Variants in MEGF8 observed in about 807,000 individuals in gnomAD.
MEGF8 encodes multiple EGF like domains 8, also known as multiple epidermal growth factor-like domains protein 8.
Under a neutral mutation model 302.9 loss-of-function variants are expected in MEGF8, and 156 were observed. That is an observed-to-expected ratio of 0.52 (90% CI 0.45 to 0.59). MEGF8 has a LOEUF of 0.59. Ranked by LOEUF, MEGF8 falls within the 20% of genes least tolerant of loss-of-function variation. The probability of loss-of-function intolerance (pLI) is 0.00; values close to 1 mark genes in which losing one functional copy is unlikely to be tolerated. For missense variants in MEGF8, 3,345 were observed against 3,964.5 expected (o/e 0.84, Z 4.20); for synonymous variants, 1,621 against 1,660.5 (o/e 0.98, Z 0.58).
At chr19:42,337,339 C>A in intron 8 of MEGF8, 133 bp downstream of exon 8, 1 of 1,267,406 alleles carries the variant, frequency 7.9e-7, no homozygotes, top group Non-Finnish European at 1.1e-6. Flanking sequence ...CCTTAGGAGG[C>A]AAGCCTGGGA....
In MEGF8 at chr19:42,344,562, A is replaced by G. The variant is rs369191682; in HGVS notation, c.1910A>G (p.Asn637Ser). 23 of 1,598,420 alleles carry G rather than the reference A, an allele frequency of 1.4e-5. No individual in the cohort carries two copies. The highest frequency in any genetic ancestry group is 1.9e-5 in the Non-Finnish European group (22 of 1,176,840). ...GPGTLGWCVH[N>S]ESCLPRPEQA... ...GGCACCCTGGGCTGGTGCGTGCACA[A>G]TGAGAGCTGCCTCCCTAGGCCTGGT... The change falls in exon 11 of 42, where the codon AAT becomes AGT. Residue 637 changes from asparagine to serine, a missense_variant. Asn to Ser is a conservative substitution (Grantham distance 46, BLOSUM62 1). Transcript: ENST00000251268. This position sits in a 1 kb window ranked among gnomAD's most constrained non-coding sequence, Gnocchi z 4.5.
intron 12 of MEGF8, among the ~76,000 whole-genome samples, chr19:42,347,760 C>G (rs35557987): frequency 0.14 from 21,433 of 151,854 alleles, 2,654 homozygotes; most frequent in African/African-American, 0.33. Flanking sequence ...CCAAAGTGCC[C>G]GCCGTGCCCA....
chr19:42,347,060 A>G, intron 12 of MEGF8, among the ~76,000 whole-genome samples: 1 of 150,724 alleles, frequency 6.6e-6, no homozygotes, highest in East Asian at 1.9e-4. Context: ...CATTTACCCC[A>G]CTCCCTACCC....
In MEGF8 at chr19:42,369,946, CAGG is replaced by C. The variant is rs2039662636; in HGVS notation, c.6834+228_6834+230del. On this transcript the variant is annotated intron_variant, in intron 38 of 41. Coordinates refer to ENST00000251268, the MANE Select transcript of MEGF8 (RefSeq NM_001271938.2). The surrounding 1 kb of genome is among the most constrained non-coding windows in gnomAD (Gnocchi z 5.7). ...ATAGTGGACGGAGTGGGTGCTGCGC[CAGG>C]AGGACAGGCACGTGGAGGAGGATTT... 6.6e-6 allele frequency among the ~76,000 whole-genome samples: 1 copy of C among 152,194 alleles called. No individual in the cohort carries two copies. Among genetic ancestry groups the C allele is most frequent in the South Asian group, 2.1e-4 (1 of 4,832 alleles).
Position 42,348,379 on chromosome 19 carries a change from T to G in MEGF8, c.2205T>G (p.Gly735=). Residue 735 remains glycine (G), a synonymous_variant, in exon 13 of 42, where the codon GGT becomes GGG. Transcript: ENST00000251268. ...FIYPMLPGGP[G]GPGAEDVAVW... ...ACCCAATGCTGCCTGGAGGGCCAGG[T>G]GGACCAGGGGCTGAGGACGTGGCCG... 1 of 1,537,336 alleles carries G rather than the reference T, an allele frequency of 6.5e-7. No homozygotes were observed. Among genetic ancestry groups the G allele is most frequent in the South Asian group, 1.2e-5 (1 of 84,062 alleles).
At chr19:42,373,767 T>A (rs2039727386) in intron 41 of MEGF8, among the ~76,000 whole-genome samples, 2 of 143,672 alleles carry the variant, frequency 1.4e-5, no homozygotes, top group South Asian at 4.6e-4. Context: ...GGCTAGAGTA[T>A]AATGGCGCAA....
At position 42,377,138 on chromosome 19, in the gene MEGF8, G is replaced by T; in HGVS notation, c.*363G>T. ...CACAAGTAAGATGGCTTCAGAGAGG[G>T]AGAAGCACTGTGAGGCCTCCAGAGG... On this transcript the variant is annotated 3_prime_UTR_variant, in exon 42 of 42. Coordinates refer to ENST00000251268, the MANE Select transcript of MEGF8 (RefSeq NM_001271938.2). 4.5e-6 allele frequency: 1 copy of T among 222,898 alleles called. No individual in the cohort carries two copies. Among genetic ancestry groups the T allele is most frequent in the Non-Finnish European group, 8.7e-6 (1 of 114,342 alleles). 13.8% of individuals were successfully genotyped at this position (222,898 alleles called of 1,614,324 possible). A position where few individuals can be genotyped will look rare whatever the true frequency, so the allele number is the denominator to read the frequency against.
chr19:42,370,649 G>GGA (rs1460198974), intron 39 of MEGF8, 52 bp from the exon 40 acceptor site: 1 of 1,562,722 alleles, frequency 6.4e-7, no homozygotes, highest in East Asian at 2.4e-5. Flanking sequence ...GTCTGAGGGA[G>GGA]GAGGGGGTTG....
In MEGF8 at chr19:42,362,232, A is replaced by T. The variant is rs774469726; in HGVS notation, c.5844+19A>T. On this transcript the variant is annotated intron_variant, in intron 33 of 41. Coordinates refer to ENST00000251268, the MANE Select transcript of MEGF8 (RefSeq NM_001271938.2). ...TGGAGAGGTGAGTGGTGGGGAAGGC[A>T]GGGATGAGAAGCAGCAGGTGTAGGG... 6.2e-7 allele frequency: 1 copy of T among 1,609,856 alleles called. No individual in the cohort carries two copies. The highest frequency in any genetic ancestry group is 1.1e-5 in the South Asian group (1 of 90,698).
At chr19:42,333,119 C>T (rs2039076569) in intron 1 of MEGF8, among the ~76,000 whole-genome samples, 1 of 152,190 alleles carries the variant, frequency 6.6e-6, no homozygotes, top group South Asian at 2.1e-4. Context: ...GGGGAAGAAG[C>T]TGGACTCTTC....
rs113688452 is a variant in MEGF8 at position 42,367,560 on chromosome 19, T to C, written c.6274-895T>C. On this transcript the variant is annotated intron_variant, in intron 35 of 41. Transcript: ENST00000251268. ...GCCTCGGCCTCCCAAAGTGCTGGGA[T>C]TACATTTTTCTAAGAAACTGTGGTT... Among the ~76,000 whole-genome samples, 671 of 152,298 alleles carry C rather than the reference T, an allele frequency of 4.4e-3. 8 individuals are homozygous for C. The highest frequency in any genetic ancestry group is 0.015 in the African/African-American group (633 of 41,552).
In MEGF8 at chr19:42,357,904, C is replaced by T. The variant is rs2039475502; in HGVS notation, c.5012-240C>T. ...CTGTCCCCTAGACATTCTGGACGCC[C>T]TGTCTCCCTCCCGAGAGCCTGGCAG... is the stretch of plus-strand genomic sequence containing the variant. On this transcript the variant is annotated intron_variant, in intron 28 of 41. Coordinates refer to ENST00000251268, the MANE Select transcript of MEGF8 (RefSeq NM_001271938.2). This position sits in a 1 kb window ranked among gnomAD's most constrained non-coding sequence, Gnocchi z 5.2. Among the ~76,000 whole-genome samples, 1 of 152,210 alleles carries T rather than the reference C, an allele frequency of 6.6e-6. No homozygotes were observed. The highest frequency in any genetic ancestry group is 1.5e-5 in the Non-Finnish European group (1 of 68,028).
intron 35 of MEGF8, among the ~76,000 whole-genome samples, chr19:42,364,886 T>G (rs2039582297): frequency 6.6e-6 from 1 of 152,196 alleles, no homozygotes; most frequent in African/African-American, 2.4e-5. Context: ...CATAGAGCAA[T>G]GCCTGCCATT....
In MEGF8 at chr19:42,356,290, T is replaced by C. The variant is rs978977791; in HGVS notation, c.4504-45T>C. The C allele has an allele frequency of 1.3e-6, 2 of 1,580,218 alleles. No individual in the cohort carries two copies. The highest frequency in any genetic ancestry group is 1.7e-6 in the Non-Finnish European group (2 of 1,163,846). On this transcript the variant is annotated intron_variant, in intron 25 of 41. Transcript: ENST00000251268. The surrounding 1 kb of genome is among the most constrained non-coding windows in gnomAD (Gnocchi z 5.2). The stretch of plus-strand genomic sequence containing the variant: ...ACCCCTACACCCAGGCCTGGCACTT[T>C]GTCCTGACCCTAGCCTGATCCCCAA...
In MEGF8 at chr19:42,335,035, C is replaced by G; in HGVS notation, c.559C>G (p.Pro187Ala). The change falls in exon 4 of 42, where the codon CCC becomes GCC. Residue 187 changes from proline (P) to alanine (A), a missense_variant and splice_region_variant. Transcript: ENST00000251268. Reference sequence around the variant, plus strand: ...TGCCTTTATGTCTCCTTTCCCGCAGCCCCTGGGACCATGCCGCTGTGAGCC... The same window carrying G: ...TGCCTTTATGTCTCCTTTCCCGCAGGCCCTGGGACCATGCCGCTGTGAGCC... ...YCGSHGTCAS[P>A]LGPCRCEPGF... 6.2e-7 allele frequency: 1 copy of G among 1,604,722 alleles called. No individual in the cohort carries two copies. Among genetic ancestry groups the G allele is most frequent in the Non-Finnish European group, 8.5e-7 (1 of 1,175,654 alleles).
chr19:42,359,361 C>CTG, intron 31 of MEGF8, 119 bp downstream of exon 31: 1 of 897,990 alleles, frequency 1.1e-6, no homozygotes. Flanking sequence ...TGGCAGAGCT[C>CTG]CCGCTCTTCT....
rs1251229188 is a variant in MEGF8, at chr19:42,363,044, C to T, written c.6059-4C>T. 2 of 1,611,336 alleles carry T rather than the reference C, an allele frequency of 1.2e-6. No homozygotes were observed. Among genetic ancestry groups the T allele is most frequent in the East Asian group, 2.2e-5 (1 of 44,836 alleles). ...AGGTTCTAATCCCCGTGCCCCACCC[C>T]CAGGGGAGACCCGCCGCATCCTCTC... On this transcript the variant is annotated splice_region_variant and splice_polypyrimidine_tract_variant and intron_variant, in intron 34 of 41. Coordinates refer to ENST00000251268, the MANE Select transcript of MEGF8 (RefSeq NM_001271938.2).
chr19:42,333,901 G>A (rs577357443), intron 2 of MEGF8, 106 bp from the exon 3 acceptor site: 1 of 1,517,078 alleles, frequency 6.6e-7, no homozygotes, highest in Admixed American at 1.9e-5. Context: ...AAAGGAAGGA[G>A]ATGAGGCTCT....
In MEGF8 at chr19:42,359,190, C is replaced by T. The variant is rs768859074; in HGVS notation, c.5436C>T (p.Asp1812=). Residue 1812 remains aspartate (D), a synonymous_variant, in exon 31 of 42, where the codon GAC becomes GAT. Transcript: ENST00000251268. ...GRSDPDEFSS[D]VLLYQVNCNA... is the part of the protein sequence containing the mutation. ...CGGACCCTGACGAGTTCAGCAGCGA[C>T]GTTCTGCTCTACCAGGTCAACTGCA... 38 of 1,604,792 alleles carry T rather than the reference C, an allele frequency of 2.4e-5. No individual in the cohort carries two copies. Among genetic ancestry groups the T allele is most frequent in the Middle Eastern group, 1.7e-4 (1 of 5,960 alleles).
Sources: allele counts gnomAD v4.1 joint callset (sites outside exome capture counted in the v4.1 genomes callset), GRCh38; gene constraint gnomAD v4.1.1; non-coding constraint Gnocchi (gnomAD v3.1); transcripts MANE v1.5; gene names NCBI Gene and HGNC (gene_info 2026-07-23, HGNC 2026-07-21).